Variants in KCNH8 observed in about 807,000 individuals in gnomAD.
KCNH8 encodes voltage-gated delayed rectifier potassium channel KCNH8.
Under a neutral mutation model 103.6 loss-of-function variants are expected in KCNH8, and 70 were observed. The ratio of observed to expected loss-of-function variants is 0.68; its 90% CI spans 0.56 to 0.82. The LOEUF (loss-of-function observed/expected upper bound fraction) is 0.82. Ranked by LOEUF, KCNH8 falls within the 40% of genes least tolerant of loss-of-function variation. KCNH8 has a pLI of 0.00. For synonymous variants in KCNH8, 498 were observed against 489.4 expected (o/e 1.02, Z -0.23); for missense variants, 1,217 against 1,329.9 (o/e 0.92, Z 1.32).
At chr3:19,202,003 G>A (rs977924967) in intron 1 of KCNH8, among the ~76,000 whole-genome samples, 9 of 152,130 alleles carry the variant, frequency 5.9e-5, no homozygotes, top group African/African-American at 2.2e-4. Flanking sequence ...AATTGATTGA[G>A]TTTGGCAGAT....
At chr3:19,445,719 C>T (rs557019610) in intron 8 of KCNH8, among the ~76,000 whole-genome samples, 1 of 151,852 alleles carries the variant, frequency 6.6e-6, no homozygotes, top group Non-Finnish European at 1.5e-5. Context: ...TTGACTTTAG[C>T]GAGTGAGATG....
intron 1 of KCNH8, among the ~76,000 whole-genome samples, chr3:19,200,581 T>G (rs1298282560): frequency 6.6e-6 from 1 of 151,900 alleles, no homozygotes; most frequent in Non-Finnish European, 1.5e-5. Flanking sequence ...CTAACCATGG[T>G]TTTCAATTTT....
At chr3:19,365,786 A>G (rs1375423927) in intron 5 of KCNH8, among the ~76,000 whole-genome samples, 1 of 152,110 alleles carries the variant, frequency 6.6e-6, no homozygotes, top group Non-Finnish European at 1.5e-5. Flanking sequence ...CACGTAGAAA[A>G]ATAAAGCAAA....
intron 11 of KCNH8, among the ~76,000 whole-genome samples, chr3:19,472,080 T>G (rs1004218090): frequency 6.6e-6 from 1 of 152,194 alleles, no homozygotes; most frequent in African/African-American, 2.4e-5. Flanking sequence ...GCACATATGA[T>G]TTCCTTGAGA....
At chr3:19,193,787 T>G (rs1035932439) in intron 1 of KCNH8, among the ~76,000 whole-genome samples, 5 of 151,802 alleles carry the variant, frequency 3.3e-5, no homozygotes, top group African/African-American at 9.7e-5. Flanking sequence ...GAAATTTCTT[T>G]TTAACTTGAA....
intron 2 of KCNH8, among the ~76,000 whole-genome samples, chr3:19,279,349 G>A (rs1286564519): frequency 6.6e-6 from 1 of 152,032 alleles, no homozygotes; most frequent in African/African-American, 2.4e-5. Flanking sequence ...CATTTTTGGG[G>A]TCACTGTATT....
intron 1 of KCNH8, among the ~76,000 whole-genome samples, chr3:19,154,950 A>AG (rs1280185962): frequency 2.0e-5 from 3 of 152,328 alleles, no homozygotes; most frequent in African/African-American, 7.2e-5. Context: ...ATCAAAGATG[A>AG]GACTTCAACT....
chr3:19,517,354 G>A (rs2068891967), intron 14 of KCNH8, among the ~76,000 whole-genome samples: 1 of 151,910 alleles, frequency 6.6e-6, no homozygotes, highest in African/African-American at 2.4e-5. Context: ...CCTCATAATT[G>A]ACCAGAATTA....
At chr3:19,420,039 A>G (rs547267425) in intron 7 of KCNH8, among the ~76,000 whole-genome samples, 3 of 152,264 alleles carry the variant, frequency 2.0e-5, no homozygotes, top group South Asian at 2.1e-4. Flanking sequence ...TGTACTTACT[A>G]TCATTGAAAA....
At chr3:19,364,089 C>CCT (rs2065979677) in intron 5 of KCNH8, among the ~76,000 whole-genome samples, 1 of 152,058 alleles carries the variant, frequency 6.6e-6, no homozygotes, top group Admixed American at 6.6e-5. Flanking sequence ...TCTCTCCCTT[C>CCT]CTCTCTTCCT....
At chr3:19,421,425 C>T (rs1434455077) in intron 7 of KCNH8, among the ~76,000 whole-genome samples, 1 of 152,070 alleles carries the variant, frequency 6.6e-6, no homozygotes, top group Non-Finnish European at 1.5e-5. Flanking sequence ...TGATAGCAAC[C>T]TGTATGACTG....
At chr3:19,185,271 C>T (rs908559133) in intron 1 of KCNH8, among the ~76,000 whole-genome samples, 1 of 151,768 alleles carries the variant, frequency 6.6e-6, no homozygotes, top group Non-Finnish European at 1.5e-5. Flanking sequence ...TTCTCTGCAT[C>T]CTTGCCAAAA....
chr3:19,429,968 A>G (rs1041094498), intron 7 of KCNH8, among the ~76,000 whole-genome samples: 1 of 152,208 alleles, frequency 6.6e-6, no homozygotes, highest in South Asian at 2.1e-4. Flanking sequence ...TCTGTCATTA[A>G]TGGACATTTA....
At chr3:19,278,420 AAGG>A (rs2064706967) in intron 2 of KCNH8, among the ~76,000 whole-genome samples, 1 of 143,596 alleles carries the variant, frequency 7.0e-6, no homozygotes, top group Non-Finnish European at 1.5e-5. Context: ...GGAGGGAGGG[AAGG>A]AGGGAGAGAT....
intron 11 of KCNH8, among the ~76,000 whole-genome samples, chr3:19,506,376 T>G (rs900684150): frequency 6.6e-6 from 1 of 152,220 alleles, no homozygotes; most frequent in African/African-American, 2.4e-5. Context: ...TGCAGGGCCT[T>G]TATTTTTAGC....
At chr3:19,289,977 G>T (rs1339434714) in intron 3 of KCNH8, among the ~76,000 whole-genome samples, 1 of 152,090 alleles carries the variant, frequency 6.6e-6, no homozygotes, top group Non-Finnish European at 1.5e-5. Flanking sequence ...TTGTAAGTTG[G>T]ATTCCTAGGT....
intron 2 of KCNH8, among the ~76,000 whole-genome samples, chr3:19,257,027 T>G (rs2064355700): frequency 6.6e-6 from 1 of 152,100 alleles, no homozygotes; most frequent in South Asian, 2.1e-4. Context: ...GTTCATCAGA[T>G]GGTAGTTTCT....
rs1437597194 is a variant in KCNH8 at position 19,456,350 on chromosome 3, G to A, written c.1826-418G>A. ...ATAAAACAGACTTGTATTGAAGCCT[G>A]CTACATACCAGGGACTTTGCTTCCA... On this transcript the variant is annotated intron_variant, in intron 10 of 15. Coordinates refer to ENST00000328405, the MANE Select transcript of KCNH8 (RefSeq NM_144633.3). 2.0e-5 allele frequency among the ~76,000 whole-genome samples: 3 copies of A among 152,104 alleles called. No homozygotes were observed. In the South Asian group the frequency reaches 6.2e-4, roughly 32 times the overall value.
rs1278686409 is a variant in KCNH8, at chr3:19,177,617, A to G, written c.76+28822A>G. 3.3e-5 allele frequency among the ~76,000 whole-genome samples: 5 copies of G among 152,176 alleles called. No individual in the cohort carries two copies. In the Middle Eastern group the frequency reaches 0.017, roughly 518 times the overall value. On this transcript the variant is annotated intron_variant, in intron 1 of 15. Transcript: ENST00000328405. ...TTTAAATGCATGTATATTTAAATAC[A>G]TGTGTATTATTTTTATACACCTACA...
Sources: gnomAD v4.1 joint callset for allele counts (sites outside exome capture counted in the v4.1 genomes callset) on GRCh38, gnomAD v4.1.1 for gene constraint, MANE v1.5 for transcripts, NCBI Gene and HGNC (gene_info 2026-07-23, HGNC 2026-07-21) for gene names.